The following COL4A4 variants were observed in gnomAD, a reference collection of about 807,000 sequenced individuals.
COL4A4 encodes the protein collagen type IV alpha 4 chain, also known as collagen alpha-4(IV) chain.
COL4A4 carries 105 observed loss-of-function variants against 192.9 expected under a neutral mutation model. That is an observed-to-expected ratio of 0.54 (90% CI 0.46 to 0.64). The LOEUF is 0.64. COL4A4 is among the 30% of genes least tolerant of loss of function. COL4A4 has a pLI of 0.00. For synonymous variants in COL4A4, 762 were observed against 769.9 expected (o/e 0.99, Z 0.17); for missense variants, 1,967 against 2,169.3 (o/e 0.91, Z 1.85).
chr2:227,072,592 T>TACAC (rs146485966), intron 25 of COL4A4, among the ~76,000 whole-genome samples: 2 of 150,160 alleles, frequency 1.3e-5, no homozygotes, highest in African/African-American at 2.4e-5. Flanking sequence ...CAGGAAAAGA[T>TACAC]ACACACACAC....
intron 44 of COL4A4, among the ~76,000 whole-genome samples, chr2:227,014,669 T>C (rs900747894): frequency 3.9e-5 from 6 of 152,154 alleles, no homozygotes; most frequent in African/African-American, 1.2e-4. Context: ...GTTATGAACA[T>C]ATGTCATCTA....
chr2:226,978,270 C>G, the COL4A4 span, among the ~76,000 whole-genome samples: 1 of 152,080 alleles, frequency 6.6e-6, no homozygotes, highest in Non-Finnish European at 1.5e-5. Context: ...ACTCTTTTTT[C>G]TCCATGTACC....
the COL4A4 span, among the ~76,000 whole-genome samples, chr2:226,971,569 A>T: frequency 1.3e-5 from 2 of 152,218 alleles, no homozygotes; most frequent in Non-Finnish European, 2.9e-5. Context: ...AGCCACTTTC[A>T]GGTCATAATC....
chr2:226,995,008 A>G, the COL4A4 span, among the ~76,000 whole-genome samples: 1 of 152,164 alleles, frequency 6.6e-6, no homozygotes, highest in Non-Finnish European at 1.5e-5. Flanking sequence ...AGAGGGAAGA[A>G]AAGGAGCACC....
At chr2:227,016,406 A>G (rs1255285464) in intron 44 of COL4A4, among the ~76,000 whole-genome samples, 2 of 152,170 alleles carry the variant, frequency 1.3e-5, no homozygotes, top group Non-Finnish European at 2.9e-5. Flanking sequence ...TACGGTCTCT[A>G]TAACAGTGGT....
the COL4A4 span, among the ~76,000 whole-genome samples, chr2:226,976,575 C>A: frequency 3.9e-5 from 6 of 152,110 alleles, no homozygotes; most frequent in Admixed American, 6.6e-5. Flanking sequence ...CACACAGTTC[C>A]GTGTGGTGCT....
intron 19 of COL4A4, among the ~76,000 whole-genome samples, chr2:227,094,811 T>C (rs911849117): frequency 1.2e-4 from 18 of 152,212 alleles, no homozygotes; most frequent in African/African-American, 3.9e-4. Flanking sequence ...CATCAAGCTG[T>C]GTATCTTAAA....
Position 227,042,142 on chromosome 2 carries a change from A to G in COL4A4, c.3505+6T>C. 1 of 1,568,206 alleles carries G rather than the reference A, an allele frequency of 6.4e-7. No homozygotes were observed. Among genetic ancestry groups the G allele is most frequent in the Non-Finnish European group, 8.8e-7 (1 of 1,138,272 alleles). ...TTCTTGTGGGATGGGCTTCATTTTG[A>G]CTTACCTTTTATTCCCGGAGGACCT... On this transcript the variant is annotated splice_donor_region_variant and intron_variant, in intron 37 of 47. Transcript: ENST00000396625.
chr2:226,972,720 A>C, the COL4A4 span, among the ~76,000 whole-genome samples: 1 of 152,218 alleles, frequency 6.6e-6, no homozygotes, highest in Non-Finnish European at 1.5e-5. Context: ...AACGGCACAG[A>C]CTGGTCTCTC....
intron 1 of COL4A4, among the ~76,000 whole-genome samples, chr2:227,157,586 A>T (rs2125518871): frequency 6.6e-6 from 1 of 152,164 alleles, no homozygotes; most frequent in South Asian, 2.1e-4. Context: ...TTAAATGACA[A>T]AGGGGATTAA....
At chr2:226,991,583 A>G in the COL4A4 span, among the ~76,000 whole-genome samples, 5 of 152,222 alleles carry the variant, frequency 3.3e-5, no homozygotes, top group Admixed American at 2.0e-4. Context: ...ATACCATCCA[A>G]TGTTCAGCAG....
intron 1 of COL4A4, among the ~76,000 whole-genome samples, chr2:227,147,828 A>T (rs994735456): frequency 6.7e-6 from 1 of 148,522 alleles, no homozygotes; most frequent in East Asian, 1.9e-4. Context: ...TTATATTTTT[A>T]AAATATATAT....
At position 227,027,988 on chromosome 2, in the gene COL4A4, G is replaced by T. The variant is rs200860702; in HGVS notation, c.3995C>A (p.Pro1332Gln). 2.5e-6 allele frequency: 4 copies of T among 1,612,704 alleles called. No homozygotes were observed. Among genetic ancestry groups the T allele is most frequent in the Non-Finnish European group, 3.4e-6 (4 of 1,179,156 alleles). ...CCCAGGAAATCCATGTGGTCCCTGC[G>T]GTCCCGGGAATCCCACTGGTCCTTA... ...GQKGPVGFPG[P>Q]QGPHGFPGPP... The change falls in exon 42 of 48, where the codon CCG becomes CAG. Residue 1332 changes from proline (P) to glutamine (Q), a missense_variant. Transcript: ENST00000396625.
At chr2:227,011,953 G>C (rs1963821463) in intron 45 of COL4A4, among the ~76,000 whole-genome samples, 1 of 152,222 alleles carries the variant, frequency 6.6e-6, no homozygotes, top group East Asian at 1.9e-4. Flanking sequence ...TACTGAATAG[G>C]ATGCAGGGCC....
At chr2:226,975,857 G>A in the COL4A4 span, among the ~76,000 whole-genome samples, 1 of 152,120 alleles carries the variant, frequency 6.6e-6, no homozygotes, top group Non-Finnish European at 1.5e-5. Context: ...CCAATAGATA[G>A]CAGGCAAGAT....
rs1962054414 is a variant in COL4A4 at position 227,006,197 on chromosome 2, C to A, written c.*1128G>T. 6.6e-6 allele frequency: 1 copy of A among 152,604 alleles called. No individual in the cohort carries two copies. The highest frequency in any genetic ancestry group is 2.4e-5 in the African/African-American group (1 of 41,446). 9.5% of individuals were successfully genotyped at this position (152,604 alleles called of 1,614,324 possible). ...CCCTGACTTAAATGAATCTTCTTAC[C>A]TAAGTTTAATTAAATCGGCCCTTAA... On this transcript the variant is annotated 3_prime_UTR_variant, in exon 48 of 48. Transcript: ENST00000396625.
the COL4A4 span, among the ~76,000 whole-genome samples, chr2:226,980,420 G>C: frequency 6.6e-6 from 1 of 152,122 alleles, no homozygotes; most frequent in South Asian, 2.1e-4. Context: ...AAGAGAAAAC[G>C]GGAGATTTGG....
chr2:227,020,636 G>A (rs1172342133), intron 44 of COL4A4, among the ~76,000 whole-genome samples: 3 of 151,914 alleles, frequency 2.0e-5, no homozygotes, highest in African/African-American at 7.3e-5. Context: ...CTGTGTCCCT[G>A]AACCAAAAAA....
At chr2:227,077,207 C>A (rs890106284) in intron 25 of COL4A4, among the ~76,000 whole-genome samples, 9 of 152,098 alleles carry the variant, frequency 5.9e-5, no homozygotes, top group Non-Finnish European at 1.0e-4. Context: ...TATTGCAGTA[C>A]TATTTACCAT....
Sources: allele counts gnomAD v4.1 joint callset (sites outside exome capture counted in the v4.1 genomes callset), GRCh38; gene constraint gnomAD v4.1.1; transcripts MANE v1.5; gene names NCBI Gene and HGNC (gene_info 2026-07-23, HGNC 2026-07-21).